The following MAP4 variants were observed in gnomAD, a reference collection of about 807,000 sequenced individuals.
MAP4 encodes microtubule-associated protein 4.
A neutral mutation model predicts 170.2 loss-of-function variants in MAP4; 76 were observed. The ratio of observed to expected loss-of-function variants is 0.45; its 90% CI spans 0.37 to 0.54. The LOEUF (loss-of-function observed/expected upper bound fraction) is 0.54. MAP4 is among the 20% of genes least tolerant of loss of function. The pLI is 0.00. For synonymous variants in MAP4, 909 were observed against 994.5 expected, an observed-to-expected ratio of 0.91 and a Z score of 1.62; for missense variants, 2,506 against 2,748.0, an observed-to-expected ratio of 0.91 and a Z score of 1.97.
intron 1 of MAP4, among the ~76,000 whole-genome samples, chr3:48,083,934 A>G (rs984082769): frequency 6.6e-6 from 1 of 151,706 alleles, no homozygotes; most frequent in African/African-American, 2.4e-5. Context: ...CATGTTGGCC[A>G]GGCTGGTCTC....
intron 1 of MAP4, among the ~76,000 whole-genome samples, chr3:48,010,961 G>A (rs999293811): frequency 9.2e-5 from 14 of 152,062 alleles, no homozygotes; most frequent in African/African-American, 2.4e-4. Context: ...TTGTGATCAC[G>A]TAAATCAATA....
At chr3:48,001,018 T>C (rs145087346) in intron 1 of MAP4, among the ~76,000 whole-genome samples, 4 of 152,268 alleles carry the variant, frequency 2.6e-5, no homozygotes, top group African/African-American at 9.6e-5. Flanking sequence ...TTCCAGACCC[T>C]GAAAAATCAG....
At chr3:48,036,720 T>C (rs1261133731) in intron 1 of MAP4, among the ~76,000 whole-genome samples, 2 of 152,216 alleles carry the variant, frequency 1.3e-5, no homozygotes, top group African/African-American at 2.4e-5. Flanking sequence ...TAAGTTTATA[T>C]GTATCAATCA....
intron 17 of MAP4, 87 bp downstream of exon 17, chr3:47,867,159 C>G (rs1422296053): frequency 6.6e-6 from 6 of 909,080 alleles, no homozygotes; most frequent in Non-Finnish European, 1.1e-5. Flanking sequence ...CACTGGGATT[C>G]TATCTACATG....
At chr3:47,951,475 T>C (rs906206870) in intron 3 of MAP4, among the ~76,000 whole-genome samples, 15 of 152,158 alleles carry the variant, frequency 9.9e-5, no homozygotes, top group African/African-American at 3.4e-4. Flanking sequence ...TCAGCCTGCC[T>C]AGTGCCTGCG....
At chr3:48,048,949 G>A (rs1417329395) in intron 1 of MAP4, among the ~76,000 whole-genome samples, 1 of 151,918 alleles carries the variant, frequency 6.6e-6, no homozygotes, top group Non-Finnish European at 1.5e-5. Flanking sequence ...CCTGTCCCCT[G>A]GCAATCACTA....
At chr3:47,927,033 C>A (rs2100046392) in intron 4 of MAP4, among the ~76,000 whole-genome samples, 1 of 151,662 alleles carries the variant, frequency 6.6e-6, no homozygotes, top group Admixed American at 6.6e-5. Flanking sequence ...GTAGTGGGCA[C>A]CTGTAATTCC....
intron 1 of MAP4, among the ~76,000 whole-genome samples, chr3:48,046,001 T>C (rs2100124398): frequency 6.6e-6 from 1 of 151,776 alleles, no homozygotes; most frequent in African/African-American, 2.4e-5. Flanking sequence ...TTTTTTTTTT[T>C]TTTACCAAAC....
chr3:48,055,388 T>A (rs1414851707), intron 1 of MAP4, among the ~76,000 whole-genome samples: 2 of 152,016 alleles, frequency 1.3e-5, no homozygotes, highest in Non-Finnish European at 2.9e-5. Context: ...TTGGTTTTGG[T>A]GGAGACGGGG....
intron 18 of MAP4, among the ~76,000 whole-genome samples, chr3:47,856,523 C>T (rs995270480): frequency 7.9e-5 from 12 of 151,738 alleles, no homozygotes; most frequent in Non-Finnish European, 1.2e-4. Context: ...GCCATACTCT[C>T]GCCTCACTGT....
At position 47,914,953 on chromosome 3, in the gene MAP4, CA is replaced by C. The variant is rs751456743; in HGVS notation, c.1877-15del. On this transcript the variant is annotated splice_polypyrimidine_tract_variant and intron_variant, in intron 7 of 20. Transcript: ENST00000683076. ...CTGTGACGGTTTCTAAAGGTAATAA[CA>C]AAAGCCACACACGTTTCAGAGAAGC... 1 of 1,613,938 alleles carries C rather than the reference CA, an allele frequency of 6.2e-7. No individual in the cohort carries two copies. Among genetic ancestry groups the C allele is most frequent in the South Asian group, 1.1e-5 (1 of 91,050 alleles).
intron 10 of MAP4, chr3:47,891,933 TG>T (rs2100024248): frequency 6.5e-7 from 1 of 1,536,032 alleles, no homozygotes; most frequent in Admixed American, 2.0e-5. Context: ...GGATGAAAGC[TG>T]GGGTTCCAAA....
intron 2 of MAP4, among the ~76,000 whole-genome samples, chr3:47,982,304 A>C (rs2100085850): frequency 6.6e-6 from 1 of 152,222 alleles, no homozygotes; most frequent in Non-Finnish European, 1.5e-5. Context: ...ATATTAGCAC[A>C]ATCAAGAAAA....
intron 3 of MAP4, among the ~76,000 whole-genome samples, chr3:47,977,456 A>AT (rs1247753073): frequency 6.6e-6 from 1 of 152,196 alleles, no homozygotes; most frequent in Admixed American, 6.5e-5. Context: ...ATAACTCCTA[A>AT]TTTGTTGTTC....
intron 9 of MAP4, 124 bp downstream of exon 9, chr3:47,908,914 C>G (rs1469529856): frequency 1.9e-6 from 2 of 1,045,918 alleles, no homozygotes; most frequent in African/African-American, 3.2e-5. Context: ...AGGTTTCATG[C>G]CAACAAACCA....
chr3:48,056,792 G>C (rs1290363082), intron 1 of MAP4, among the ~76,000 whole-genome samples: 1 of 73,632 alleles, frequency 1.4e-5, no homozygotes, highest in East Asian at 5.2e-4. Flanking sequence ...GGAGGGAGGT[G>C]GGGGGGTCAG....
chr3:48,009,805 C>A (rs1042795071), intron 1 of MAP4, among the ~76,000 whole-genome samples: 4 of 152,198 alleles, frequency 2.6e-5, no homozygotes, highest in Non-Finnish European at 4.4e-5. Context: ...TCTCCTGCAA[C>A]ATTATGTTCT....
intron 1 of MAP4, among the ~76,000 whole-genome samples, chr3:48,071,130 ATAAC>A (rs1269728292): frequency 6.6e-6 from 1 of 152,226 alleles, no homozygotes; most frequent in African/African-American, 2.4e-5. Flanking sequence ...AGACAAAAAT[ATAAC>A]AAACAAATGG....
intron 18 of MAP4, among the ~76,000 whole-genome samples, chr3:47,856,747 T>C (rs951029327): frequency 6.6e-6 from 1 of 152,238 alleles, no homozygotes; most frequent in Non-Finnish European, 1.5e-5. Context: ...GAGTTTTGCC[T>C]TCACCTTATC....
Sources: gnomAD v4.1 joint callset for allele counts (sites outside exome capture counted in the v4.1 genomes callset) on GRCh38, gnomAD v4.1.1 for gene constraint, MANE v1.5 for transcripts, NCBI Gene and HGNC (gene_info 2026-07-23, HGNC 2026-07-21) for gene names.